Variants in LCOR observed in about 807,000 individuals in gnomAD.
LCOR encodes the protein ligand dependent nuclear receptor corepressor.
A neutral mutation model predicts 64.4 loss-of-function variants in LCOR; 14 were observed. The ratio of observed to expected loss-of-function variants is 0.22; its 90% confidence interval spans 0.14 to 0.34. The LOEUF is 0.34. LCOR is among the 10% of genes least tolerant of loss of function. The pLI is 1.00. For missense variants in LCOR, 1,686 were observed against 1,765.3 expected, an observed-to-expected ratio of 0.96 and a Z score of 0.80; for synonymous variants, 643 against 642.5, an observed-to-expected ratio of 1.00 and a Z score of -0.01.
chr10:96,843,969 T>C (rs766433120), intron 2 of LCOR, among the ~76,000 whole-genome samples: 2 of 152,202 alleles, frequency 1.3e-5, no homozygotes, highest in Non-Finnish European at 2.9e-5. Flanking sequence ...AACATCTGTT[T>C]TACAGGCGGG....
chr10:96,959,322 C>T (rs1385794099), intron 7 of LCOR: 1 of 151,894 alleles, frequency 6.6e-6, no homozygotes, highest in Non-Finnish European at 1.5e-5. Flanking sequence ...GTCTTTGTCA[C>T]GAAAGCCGTT....
chr10:96,832,723 C>T (rs1218800557), intron 1 of LCOR, among the ~76,000 whole-genome samples: 1 of 150,848 alleles, frequency 6.6e-6, no homozygotes, highest in African/African-American at 2.4e-5. Flanking sequence ...GCCCCTGCTC[C>T]CGCTCCAGGC....
chr10:96,879,341 C>T (rs971237347), intron 2 of LCOR, among the ~76,000 whole-genome samples: 1 of 152,132 alleles, frequency 6.6e-6, no homozygotes, highest in African/African-American at 2.4e-5. Context: ...CATTCTAAAT[C>T]ACTGTGCAGT....
At chr10:96,884,856 A>G (rs562743831) in intron 2 of LCOR, among the ~76,000 whole-genome samples, 1 of 152,332 alleles carries the variant, frequency 6.6e-6, no homozygotes, top group Non-Finnish European at 1.5e-5. Flanking sequence ...TGTTACCCAT[A>G]TTAATCAGTG....
At position 96,981,824 on chromosome 10, in the gene LCOR, G is replaced by C; in HGVS notation, c.1364G>C (p.Ser455Thr). 1 of 1,614,212 alleles carries C rather than the reference G, an allele frequency of 6.2e-7. No individual in the cohort carries two copies. ...ACCTCCATCAAGACAGCTCGGAAAA[G>C]TAAAAGGGCATCAGGGCTGAGGATA... ...ISTSIKTARK[S>T]KRASGLRIND... The change falls in exon 8 of 8, where the codon AGT becomes ACT. Residue 455 changes from serine to threonine, a missense_variant. Physicochemically the swap from Ser to Thr is moderately conservative, Grantham distance 58 (BLOSUM62 1). This residue lies in a region of LCOR where 1,293 missense variants were observed against 1,410.4 expected (regional missense o/e 0.92). Transcript: ENST00000421806.
intron 6 of LCOR, 79 bp downstream of exon 6, chr10:96,949,374 A>C (rs557977659): frequency 7.8e-7 from 1 of 1,290,080 alleles, no homozygotes; most frequent in African/African-American, 1.5e-5. Flanking sequence ...ATTGGCAAGT[A>C]GAGCATCAGC....
chr10:96,931,821 G>C (rs897659597), intron 4 of LCOR, among the ~76,000 whole-genome samples: 2 of 152,156 alleles, frequency 1.3e-5, no homozygotes, highest in African/African-American at 4.8e-5. Context: ...AAAAAAGTAA[G>C]ATAATAAGTA....
At chr10:96,911,840 T>G (rs1331316686) in intron 4 of LCOR, among the ~76,000 whole-genome samples, 1 of 152,244 alleles carries the variant, frequency 6.6e-6, no homozygotes, top group Non-Finnish European at 1.5e-5. Context: ...GTCAGGAAGC[T>G]TAATAAACTT....
chr10:96,873,716 C>G (rs570556506), intron 2 of LCOR, among the ~76,000 whole-genome samples: 29 of 151,278 alleles, frequency 1.9e-4, no homozygotes, highest in Non-Finnish European at 3.5e-4. Context: ...GATTCTCCTG[C>G]CTCAGCCTCC....
intron 4 of LCOR, among the ~76,000 whole-genome samples, chr10:96,940,303 A>AT (rs552752409): frequency 0.037 from 2,444 of 65,402 alleles, 179 homozygotes; most frequent in Admixed American, 0.057. Context: ...GGTGGTCATG[A>AT]TTTTTTTTTT....
At chr10:96,874,256 T>C (rs1398550663) in intron 2 of LCOR, among the ~76,000 whole-genome samples, 2 of 152,224 alleles carry the variant, frequency 1.3e-5, no homozygotes, top group Non-Finnish European at 2.9e-5. Context: ...ACGTGCGCCA[T>C]CATTAAAGAT....
chr10:96,867,396 A>C (rs1225650438), intron 2 of LCOR, among the ~76,000 whole-genome samples: 1 of 152,172 alleles, frequency 6.6e-6, no homozygotes, highest in Non-Finnish European at 1.5e-5. Flanking sequence ...CAGGAGTTTG[A>C]GACCAGCCTG....
intron 2 of LCOR, among the ~76,000 whole-genome samples, chr10:96,905,191 A>G (rs1211638030): frequency 6.6e-6 from 1 of 151,850 alleles, no homozygotes; most frequent in African/African-American, 2.4e-5. Context: ...TTATCTCCCA[A>G]AGCTTTCATT....
intron 7 of LCOR, chr10:96,961,252 C>A (rs12217343): frequency 6.6e-6 from 1 of 151,984 alleles, no homozygotes; most frequent in East Asian, 1.9e-4. Context: ...ATTCTGCAAC[C>A]GTTTGGGGGG....
intron 2 of LCOR, among the ~76,000 whole-genome samples, chr10:96,855,986 C>T (rs1489651044): frequency 7.9e-5 from 12 of 152,078 alleles, no homozygotes; most frequent in African/African-American, 1.9e-4. Context: ...TCAGGTGATC[C>T]GCCTGCCTCA....
At chr10:96,883,583 C>T (rs1228629227) in intron 2 of LCOR, among the ~76,000 whole-genome samples, 1 of 152,182 alleles carries the variant, frequency 6.6e-6, no homozygotes, top group Non-Finnish European at 1.5e-5. Context: ...TTTCAACTTG[C>T]AGTTCCCTGC....
At chr10:96,836,199 A>G (rs1845438234) in intron 2 of LCOR, among the ~76,000 whole-genome samples, 1 of 152,204 alleles carries the variant, frequency 6.6e-6, no homozygotes, top group Admixed American at 6.5e-5. Context: ...TATTTGAACA[A>G]TGCCATTTTT....
chr10:96,949,429 T>C (rs926339849), intron 6 of LCOR, 134 bp downstream of exon 6: 1 of 837,810 alleles, frequency 1.2e-6, no homozygotes, highest in Non-Finnish European at 1.9e-6. Context: ...AATTATTTCT[T>C]ACTATGCAGT....
intron 7 of LCOR, among the ~76,000 whole-genome samples, chr10:96,971,002 C>T (rs1203215912): frequency 6.6e-6 from 1 of 152,178 alleles, no homozygotes; most frequent in East Asian, 1.9e-4. Flanking sequence ...AAACTTACAT[C>T]ATCATACATA....
Sources: gnomAD v4.1 joint callset for allele counts (sites outside exome capture counted in the v4.1 genomes callset) on GRCh38, gnomAD v4.1.1 for gene constraint, gnomAD v4.1.1 regional missense constraint, MANE v1.5 for transcripts, NCBI Gene and HGNC (gene_info 2026-07-23, HGNC 2026-07-21) for gene names.